The following WDR90 variants were observed in gnomAD, a reference collection of about 807,000 sequenced individuals.
WDR90 encodes WD repeat-containing protein 90.
In WDR90, 238 loss-of-function variants were observed where a neutral mutation model predicts 195.2. The ratio of observed to expected loss-of-function variants is 1.22; its 90% CI spans 1.10 to 1.36. The LOEUF is 1.36. Ranked by LOEUF, WDR90 falls within the 40% of genes most tolerant of loss-of-function variation. The pLI is 0.00. For missense variants in WDR90, 2,734 were observed against 2,439.5 expected (o/e 1.12, Z -2.54); for synonymous variants, 1,265 against 1,052.4 (o/e 1.20, Z -3.91).
chr16:658,163 C>T lies in WDR90; in HGVS notation c.2605-20C>T, dbSNP rs1416238733. On this transcript the variant is annotated intron_variant, in intron 21 of 40. Coordinates refer to ENST00000293879, the MANE Select transcript of WDR90 (RefSeq NM_145294.5). ...TCTGCCCAGGGGCCCTGACTGTCGG[C>T]CACTTACCACTACCCCCAGCTGCTG... is the stretch of plus-strand genomic sequence containing the variant. 6.3e-6 allele frequency: 10 copies of T among 1,599,110 alleles called. No homozygotes were observed. The highest frequency in any genetic ancestry group is 7.7e-6 in the Non-Finnish European group (9 of 1,171,170).
At chr16:656,107 G>A (rs1472756537) in intron 17 of WDR90, 195 bp from the exon 18 acceptor site, 5 of 755,056 alleles carry the variant, frequency 6.6e-6, no homozygotes, top group South Asian at 1.8e-5. Context: ...CGTGGGTAGT[G>A]TGTGAAGCCC....
intron 30 of WDR90, 45 bp from the exon 31 acceptor site, chr16:661,552 G>A (rs760908619): frequency 7.6e-6 from 12 of 1,579,634 alleles, no homozygotes; most frequent in East Asian, 2.3e-5. Flanking sequence ...CCCCGGGGGG[G>A]GCTGCATCTG....
chr16:662,547 C>T (rs1363225761), intron 33 of WDR90, 132 bp from the exon 34 acceptor site: 29 of 1,346,762 alleles, frequency 2.2e-5, no homozygotes, highest in Non-Finnish European at 2.0e-6. Flanking sequence ...GCTTTCTCTT[C>T]TTCCACCGGG....
intron 17 of WDR90, 101 bp from the exon 18 acceptor site, chr16:656,201 C>A: frequency 2.7e-6 from 3 of 1,118,534 alleles, no homozygotes; most frequent in Non-Finnish European, 3.8e-6. Flanking sequence ...GGACTTTGAG[C>A]AGCAGGGAGT....
intron 26 of WDR90, among the ~76,000 whole-genome samples, 190 bp downstream of exon 26, chr16:659,566 C>T (rs570431524): frequency 1.3e-5 from 2 of 152,252 alleles, no homozygotes; most frequent in Admixed American, 1.3e-4. Flanking sequence ...AGGTGGAACA[C>T]GGTGGGGTCG....
Position 666,501 on chromosome 16 carries a change from G to T in WDR90, c.4787G>T (p.Ser1596Ile). The stretch of plus-strand genomic sequence containing the variant: ...GGCACAGACCTATGGCTGGCTGCCA[G>T]TGGGGACCAGCGGGTCAGCGTCTGG... ...VEGTDLWLAA[S>I]GDQRVSVWAS... Residue 1596 changes from serine (S) to isoleucine (I), a missense_variant, in exon 38 of 41, where the codon AGT becomes ATT. Ser to Ile is a moderately radical substitution (Grantham distance 142, BLOSUM62 -2). Coordinates refer to ENST00000293879, the MANE Select transcript of WDR90 (RefSeq NM_145294.5). The T allele has an allele frequency of 3.7e-6, 6 of 1,612,744 alleles. No individual in the cohort carries two copies. Among genetic ancestry groups the T allele is most frequent in the Non-Finnish European group, 5.1e-6 (6 of 1,179,978 alleles).
intron 9 of WDR90, 100 bp downstream of exon 9, chr16:652,139 G>T: frequency 1.5e-6 from 2 of 1,352,288 alleles, no homozygotes; most frequent in Non-Finnish European, 2.0e-6. Flanking sequence ...TGCCTCCAAC[G>T]GTCTCCTCTT....
chr16:662,566 G>T, intron 33 of WDR90, 113 bp from the exon 34 acceptor site: 3 of 1,424,738 alleles, frequency 2.1e-6, no homozygotes, highest in Non-Finnish European at 2.8e-6. Flanking sequence ...GGAGGGCACA[G>T]CCAGGTCCTG....
At position 656,432 on chromosome 16, in the gene WDR90, C is replaced by T; in HGVS notation, c.2097C>T (p.His699=). The change falls in exon 18 of 41, where the codon CAC becomes CAT. Residue 699 remains histidine (H), a synonymous_variant. Transcript: ENST00000293879. The stretch of plus-strand genomic sequence containing the variant: ...TGTACCACATGCTGGCTCGCTCCCA[C>T]ACCGCCCCGGTGTTGGCCCTCGCCA... The part of the protein sequence containing the change: ...SRVYHMLARS[H]TAPVLALAME... The T allele has an allele frequency of 6.2e-7, 1 of 1,602,934 alleles. No homozygotes were observed. Among genetic ancestry groups the T allele is most frequent in the Non-Finnish European group, 8.5e-7 (1 of 1,177,504 alleles).
chr16:650,535 G>A lies in WDR90; in HGVS notation c.389-4G>A. Reference sequence around the variant, plus strand: ...GGCGCTGACCCTGAGTGCCCATCCTGCAGATCTGGTGGGTTTGGCCCCCTC... The same window carrying A: ...GGCGCTGACCCTGAGTGCCCATCCTACAGATCTGGTGGGTTTGGCCCCCTC... On this transcript the variant is annotated splice_polypyrimidine_tract_variant and splice_region_variant and intron_variant, in intron 4 of 40. Transcript: ENST00000293879. 1 of 1,600,820 alleles carries A rather than the reference G, an allele frequency of 6.2e-7. No homozygotes were observed. Among genetic ancestry groups the A allele is most frequent in the South Asian group, 1.1e-5 (1 of 90,778 alleles).
chr16:663,004 C>G lies in WDR90; in HGVS notation c.4311+160C>G, dbSNP rs576843021. The G allele has an allele frequency of 2.1e-5, 24 of 1,134,346 alleles. No homozygotes were observed. In the East Asian group the frequency reaches 5.9e-4, roughly 28 times the overall value. 70.3% of individuals were successfully genotyped at this position (1,134,346 alleles called of 1,614,324 possible). A position where few individuals can be genotyped will look rare whatever the true frequency, so the allele number is the denominator to read the frequency against. ...CCAGCGGGGAAGTCTTGGGTGTGCA[C>G]GTCCCCTCAAAGCCGTCCCGGTTGT... On this transcript the variant is annotated intron_variant, in intron 34 of 40. Transcript: ENST00000293879.
At chr16:654,185 G>A in intron 13 of WDR90, 1 of 272,572 alleles carries the variant, frequency 3.7e-6, no homozygotes. Flanking sequence ...CTTGGTGGGG[G>A]CACCTTTTTA....
At position 661,870 on chromosome 16, in the gene WDR90, GCCA is replaced by G. The variant is rs774803163; in HGVS notation, c.3865-19_3865-17del. 1.2e-6 allele frequency: 2 copies of G among 1,600,908 alleles called. No homozygotes were observed. The highest frequency in any genetic ancestry group is 1.7e-6 in the Non-Finnish European group (2 of 1,171,262). On this transcript the variant is annotated intron_variant, in intron 31 of 40. Coordinates refer to ENST00000293879, the MANE Select transcript of WDR90 (RefSeq NM_145294.5). ...GGCCCCGGGACACTGCTGACCCATG[GCCA>G]CTCTCATACTTTGCCAGGTGCGTCG...
At position 660,094 on chromosome 16, in the gene WDR90, C is replaced by T. The variant is rs2037863886; in HGVS notation, c.3221C>T (p.Thr1074Ile). Residue 1074 changes from threonine to isoleucine, a missense_variant, in exon 27 of 41, where the codon ACC (threonine) becomes ATC (isoleucine). Transcript: ENST00000293879. ...RDTRNSGAPRTTYLASCKAFT... is the reference protein window; with the variant it reads ...RDTRNSGAPRITYLASCKAFT... The stretch of plus-strand genomic sequence containing the variant: ...ACCAGGAATTCGGGGGCCCCACGCA[C>T]CACCTACCTGGCTTCCTGCAAGGCC... The T allele has an allele frequency of 1.5e-5, 23 of 1,548,494 alleles. No individual in the cohort carries two copies. The highest frequency in any genetic ancestry group is 2.0e-5 in the Non-Finnish European group (23 of 1,147,208).
intron 26 of WDR90, 146 bp downstream of exon 26, chr16:659,522 G>T: frequency 8.6e-7 from 1 of 1,162,956 alleles, no homozygotes; most frequent in Middle Eastern, 2.8e-4. Flanking sequence ...GGGTCGGGGT[G>T]GGGGCAGCTT....
rs1001560580 is a variant in WDR90, at chr16:651,206, A to G, written c.676A>G (p.Ser226Gly). 6.2e-7 allele frequency: 1 copy of G among 1,613,092 alleles called. No homozygotes were observed. The highest frequency in any genetic ancestry group is 8.5e-7 in the Non-Finnish European group (1 of 1,179,970). Reference protein sequence around the residue: ...HDRYIHVRFPSESLKVPSKPI... With the variant: ...HDRYIHVRFPGESLKVPSKPI... ...CTCCCTCTGCCTGCCAAGGTTTCCA[A>G]GTGAGAGCTTGAAAGTGCCTTCCAA... The change falls in exon 7 of 41, where the codon AGT (serine) becomes GGT (glycine). Residue 226 changes from serine to glycine, a missense_variant. Physicochemically the swap from Ser to Gly is moderately conservative, Grantham distance 56 (BLOSUM62 0). Transcript: ENST00000293879.
chr16:650,814 CTG>C, intron 5 of WDR90, 105 bp downstream of exon 5: 1 of 1,510,972 alleles, frequency 6.6e-7, no homozygotes. Context: ...TCGAGCTGTG[CTG>C]TCTCTGAGCT....
At chr16:660,403 C>A in intron 27 of WDR90, 1 of 642,426 alleles carries the variant, frequency 1.6e-6, no homozygotes, top group East Asian at 2.8e-5. Flanking sequence ...CAGCAGCTGC[C>A]CTTGATGAGA....
chr16:654,044 C>A (rs1322921939), intron 13 of WDR90: 1 of 579,812 alleles, frequency 1.7e-6, no homozygotes, highest in Non-Finnish European at 3.0e-6. Flanking sequence ...CGGTTTAAGC[C>A]AGCGTTTACA....
Sources: gnomAD v4.1 joint callset for allele counts (sites outside exome capture counted in the v4.1 genomes callset) on GRCh38, gnomAD v4.1.1 for gene constraint, MANE v1.5 for transcripts, NCBI Gene and HGNC (gene_info 2026-07-23, HGNC 2026-07-21) for gene names.